The following ST6GALNAC3 variants were observed in gnomAD, a reference collection of about 807,000 sequenced individuals.
The protein encoded by ST6GALNAC3 is alpha-N-acetylgalactosaminide alpha-2,6-sialyltransferase 3.
ST6GALNAC3 carries 25 observed loss-of-function variants against 32.7 expected under a neutral mutation model. The observed-to-expected ratio is 0.76, with a 90% CI of 0.56 to 1.07. The LOEUF (loss-of-function observed/expected upper bound fraction) is 1.07, where lower values mean the gene tolerates loss of function less well. ST6GALNAC3 is among the 50% of genes least tolerant of loss of function. The pLI is 0.00. For missense variants in ST6GALNAC3, 355 were observed against 382.4 expected (o/e 0.93, Z 0.60); for synonymous variants, 129 against 133.1 (o/e 0.97, Z 0.21).
At chr1:76,417,209 T>C (rs115000690) in intron 3 of ST6GALNAC3, among the ~76,000 whole-genome samples, 3 of 151,524 alleles carry the variant, frequency 2.0e-5, no homozygotes, top group Non-Finnish European at 2.9e-5. Flanking sequence ...CCCAGTTGTT[T>C]TTTTTTTCTT....
intron 1 of ST6GALNAC3, among the ~76,000 whole-genome samples, chr1:76,087,205 T>C (rs2100737722): frequency 6.6e-6 from 1 of 152,328 alleles, no homozygotes; most frequent in African/African-American, 2.4e-5. Context: ...GGTTTGTTTT[T>C]CTCTCACCCA....
chr1:76,458,781 G>A (rs1407891234), intron 3 of ST6GALNAC3, among the ~76,000 whole-genome samples: 1 of 151,538 alleles, frequency 6.6e-6, no homozygotes, highest in Non-Finnish European at 1.5e-5. Context: ...TATACCTAAT[G>A]CCAGATGATG....
intron 1 of ST6GALNAC3, among the ~76,000 whole-genome samples, chr1:76,294,402 T>C (rs1175812677): frequency 1.3e-5 from 2 of 152,042 alleles, no homozygotes; most frequent in Non-Finnish European, 2.9e-5. Flanking sequence ...ATCAGAATTG[T>C]TTGTAGGGAA....
intron 1 of ST6GALNAC3, among the ~76,000 whole-genome samples, chr1:76,160,826 C>T (rs1651758626): frequency 6.6e-6 from 1 of 152,148 alleles, no homozygotes; most frequent in African/African-American, 2.4e-5. Flanking sequence ...TTTCACCAGT[C>T]CACAACCATA....
intron 1 of ST6GALNAC3, among the ~76,000 whole-genome samples, chr1:76,155,634 A>ATTTT (rs767457825): frequency 1.4e-5 from 2 of 143,580 alleles, no homozygotes; most frequent in African/African-American, 5.1e-5. Flanking sequence ...CGCCTGGCTA[A>ATTTT]TTTTTTTTTT....
chr1:76,600,947 C>G (rs1034744074), intron 3 of ST6GALNAC3, among the ~76,000 whole-genome samples: 3 of 152,144 alleles, frequency 2.0e-5, no homozygotes, highest in Admixed American at 2.0e-4. Flanking sequence ...GTTTGGGAGG[C>G]TGAGGTGGGT....
chr1:76,456,004 G>T (rs928759130), intron 3 of ST6GALNAC3, among the ~76,000 whole-genome samples: 2 of 152,208 alleles, frequency 1.3e-5, no homozygotes, highest in East Asian at 1.9e-4. Context: ...TGGCCAACAT[G>T]GCAAAGCCCG....
intron 1 of ST6GALNAC3, among the ~76,000 whole-genome samples, chr1:76,263,400 T>C (rs1456648926): frequency 6.6e-6 from 1 of 152,200 alleles, no homozygotes; most frequent in Admixed American, 6.5e-5. Flanking sequence ...TTTTTTTATA[T>C]GGGTATCAAG....
chr1:76,507,655 C>A (rs942901527), intron 3 of ST6GALNAC3, among the ~76,000 whole-genome samples: 1 of 152,216 alleles, frequency 6.6e-6, no homozygotes, highest in African/African-American at 2.4e-5. Context: ...GGAAATACCA[C>A]AGTTCATTTA....
intron 3 of ST6GALNAC3, among the ~76,000 whole-genome samples, chr1:76,617,279 G>A (rs1648357277): frequency 6.6e-6 from 1 of 151,996 alleles, no homozygotes; most frequent in Non-Finnish European, 1.5e-5. Flanking sequence ...AGAAAAGTGA[G>A]TCATTTCATT....
At chr1:76,328,997 G>A (rs1647135034) in intron 2 of ST6GALNAC3, among the ~76,000 whole-genome samples, 1 of 152,058 alleles carries the variant, frequency 6.6e-6, no homozygotes, top group Non-Finnish European at 1.5e-5. Flanking sequence ...CTCCAAACCA[G>A]CATGATCATT....
In ST6GALNAC3 at chr1:76,627,417, TTC is replaced by T. The variant is rs531592467; in HGVS notation, c.624-33_624-32del. The T allele has an allele frequency of 2.3e-4, 314 of 1,377,004 alleles. 2 individuals are homozygous for T. In the South Asian group the frequency reaches 3.4e-3, roughly 15 times the overall value. The allele number at this position is 1,377,004 out of a possible 1,614,324, so 85.3% of individuals were successfully genotyped here. A position where few individuals can be genotyped will look rare whatever the true frequency, so the allele number is the denominator to read the frequency against. On this transcript the variant is annotated intron_variant, in intron 3 of 4. Coordinates refer to ENST00000328299, the MANE Select transcript of ST6GALNAC3 (RefSeq NM_152996.4). ...TTCTGTGTGTGTGTTCTGTGTTTTG[TTC>T]TGTTTGTTATTGTTTGTTTTCATTT...
chr1:76,102,173 A>G (rs1647251257), intron 1 of ST6GALNAC3, among the ~76,000 whole-genome samples: 1 of 151,886 alleles, frequency 6.6e-6, no homozygotes, highest in South Asian at 2.1e-4. Flanking sequence ...CTTACAGTCT[A>G]TCTTATCTGA....
chr1:76,384,241 T>G (rs1210896093), intron 2 of ST6GALNAC3, among the ~76,000 whole-genome samples: 2 of 152,116 alleles, frequency 1.3e-5, no homozygotes, highest in Non-Finnish European at 2.9e-5. Flanking sequence ...CTAATACAGC[T>G]GTACTGATAT....
rs557812806 is a variant in ST6GALNAC3 at position 76,485,734 on chromosome 1, T to C, written c.623+73317T>C. On this transcript the variant is annotated intron_variant, in intron 3 of 4. Coordinates refer to ENST00000328299, the MANE Select transcript of ST6GALNAC3 (RefSeq NM_152996.4). The stretch of plus-strand genomic sequence containing the variant: ...GTGTCTCTATCTCCTTCAGTTCTTC[T>C]CTGATCTTAGCTATTTCTTGCCTTC... 1.8e-3 allele frequency among the ~76,000 whole-genome samples: 277 copies of C among 152,328 alleles called. 2 individuals carry two copies. The highest frequency in any genetic ancestry group is 6.3e-3 in the African/African-American group (262 of 41,570).
At chr1:76,127,990 T>C (rs1649365564) in intron 1 of ST6GALNAC3, among the ~76,000 whole-genome samples, 1 of 152,158 alleles carries the variant, frequency 6.6e-6, no homozygotes, top group African/African-American at 2.4e-5. Flanking sequence ...TATGTAGCAG[T>C]TATTCCTACC....
At chr1:76,423,941 A>T (rs574280862) in intron 3 of ST6GALNAC3, among the ~76,000 whole-genome samples, 1 of 152,054 alleles carries the variant, frequency 6.6e-6, no homozygotes, top group Non-Finnish European at 1.5e-5. Flanking sequence ...TTACTAACAA[A>T]GGTGTTAATA....
chr1:76,216,347 G>A (rs574173048), intron 1 of ST6GALNAC3, among the ~76,000 whole-genome samples: 4 of 152,266 alleles, frequency 2.6e-5, no homozygotes, highest in East Asian at 1.9e-4. Flanking sequence ...AGCCCCACAA[G>A]GGCCAGGACT....
At chr1:76,490,793 G>C (rs114850896) in intron 3 of ST6GALNAC3, among the ~76,000 whole-genome samples, 1 of 151,590 alleles carries the variant, frequency 6.6e-6, no homozygotes, top group African/African-American at 2.4e-5. Flanking sequence ...CCTACTCCCC[G>C]TCTTCCCAGT....
Sources: gnomAD v4.1 joint callset for allele counts (sites outside exome capture counted in the v4.1 genomes callset) on GRCh38, gnomAD v4.1.1 for gene constraint, MANE v1.5 for transcripts, NCBI Gene and HGNC (gene_info 2026-07-23, HGNC 2026-07-21) for gene names.